CDK5: variants seen among roughly 807,000 people sequenced by gnomAD.
CDK5 encodes cyclin dependent kinase 5.
A neutral mutation model predicts 44.6 loss-of-function variants in CDK5; 18 were observed. The observed-to-expected ratio is 0.40, with a 90% CI of 0.28 to 0.60. The LOEUF (loss-of-function observed/expected upper bound fraction) is 0.60. Ranked by LOEUF, CDK5 falls within the 20% of genes least tolerant of loss-of-function variation. The pLI, the probability that CDK5 is intolerant of heterozygous loss-of-function variation, is 0.38. For missense variants in CDK5, 198 were observed against 368.1 expected (o/e 0.54, Z 3.78); for synonymous variants, 143 against 152.8 (o/e 0.94, Z 0.47).
At position 151,057,281 on chromosome 7, in the gene CDK5, G is replaced by A. The variant is rs1796918679; in HGVS notation, c.38-121C>T. On this transcript the variant is annotated intron_variant, in intron 1 of 11. Coordinates refer to ENST00000485972, the MANE Select transcript of CDK5 (RefSeq NM_004935.4). This position sits in a 1 kb window ranked among gnomAD's most constrained non-coding sequence, Gnocchi z 5.2. ...TGCAAGGGAAGGGATTCAGGGTGAAGGTAGGTTGGTGAGCTTTGTGAGTGA... is the reference window on the plus strand; with the variant it reads ...TGCAAGGGAAGGGATTCAGGGTGAAAGTAGGTTGGTGAGCTTTGTGAGTGA... 1.2e-6 allele frequency: 1 copy of A among 826,192 alleles called. No individual in the cohort carries two copies. Among genetic ancestry groups the A allele is most frequent in the African/African-American group, 1.7e-5 (1 of 60,036 alleles). 51.2% of individuals were successfully genotyped at this position (826,192 alleles called of 1,614,324 possible). A position where few individuals can be genotyped will look rare whatever the true frequency, so the allele number is the denominator to read the frequency against.
chr7:151,057,299 G>C lies in CDK5; in HGVS notation c.38-139C>G. 1.3e-6 allele frequency: 1 copy of C among 753,008 alleles called. No homozygotes were observed. 46.6% of individuals were successfully genotyped at this position (753,008 alleles called of 1,614,324 possible). A position where few individuals can be genotyped will look rare whatever the true frequency, so the allele number is the denominator to read the frequency against. On this transcript the variant is annotated intron_variant, in intron 1 of 11. Transcript: ENST00000485972. The surrounding 1 kb of genome is among the most constrained non-coding windows in gnomAD (Gnocchi z 5.2). ...GGGTGAAGGTAGGTTGGTGAGCTTTGTGAGTGAGGATGTGGCAGGTGGGGA... is the reference window on the plus strand; with the variant it reads ...GGGTGAAGGTAGGTTGGTGAGCTTTCTGAGTGAGGATGTGGCAGGTGGGGA...
chr7:151,057,285 G>T lies in CDK5; in HGVS notation c.38-125C>A. On this transcript the variant is annotated intron_variant, in intron 1 of 11. Transcript: ENST00000485972. The surrounding 1 kb of genome is among the most constrained non-coding windows in gnomAD (Gnocchi z 5.2). ...AGGGAAGGGATTCAGGGTGAAGGTAGGTTGGTGAGCTTTGTGAGTGAGGAT... is the reference window on the plus strand; with the variant it reads ...AGGGAAGGGATTCAGGGTGAAGGTATGTTGGTGAGCTTTGTGAGTGAGGAT... 1.2e-6 allele frequency: 1 copy of T among 811,142 alleles called. No homozygotes were observed. The highest frequency in any genetic ancestry group is 2.2e-6 in the Non-Finnish European group (1 of 462,372). 50.2% of individuals were successfully genotyped at this position (811,142 alleles called of 1,614,324 possible). A position where few individuals can be genotyped will look rare whatever the true frequency, so the allele number is the denominator to read the frequency against.
chr7:151,057,696 G>T lies in CDK5; in HGVS notation c.37+116C>A. The T allele has an allele frequency of 8.6e-7, 1 of 1,158,138 alleles. No individual in the cohort carries two copies. Among genetic ancestry groups the T allele is most frequent in the Non-Finnish European group, 1.3e-6 (1 of 791,962 alleles). The allele number at this position is 1,158,138 out of a possible 1,614,324, so 71.7% of individuals were successfully genotyped here. A position where few individuals can be genotyped will look rare whatever the true frequency, so the allele number is the denominator to read the frequency against. The stretch of plus-strand genomic sequence containing the variant: ...GCTGAGCTAGGGGGCCAGGGCTGCA[G>T]CCGCTGCTGAGATCGGAGCCTGTAG... On this transcript the variant is annotated intron_variant, in intron 1 of 11. Transcript: ENST00000485972. This position sits in a 1 kb window ranked among gnomAD's most constrained non-coding sequence, Gnocchi z 5.2.
At chr7:151,055,675 C>T in intron 6 of CDK5, 69 bp from the exon 7 acceptor site, 1 of 1,535,042 alleles carries the variant, frequency 6.5e-7, no homozygotes, top group Admixed American at 1.8e-5. Flanking sequence ...CAACTCCATC[C>T]TCCCAGTCCT....
At position 151,054,051 on chromosome 7, in the gene CDK5, C is replaced by T. The variant is rs1344288403; in HGVS notation, c.837G>A (p.Glu279=). The T allele has an allele frequency of 6.2e-7, 1 of 1,602,182 alleles. No individual in the cohort carries two copies. The highest frequency in any genetic ancestry group is 8.5e-7 in the Non-Finnish European group (1 of 1,174,616). The change falls in exon 12 of 12, where the codon GAG becomes GAA. Residue 279 remains glutamate (E), a synonymous_variant. Coordinates refer to ENST00000485972, the MANE Select transcript of CDK5 (RefSeq NM_004935.4). The surrounding 1 kb of genome is among the most constrained non-coding windows in gnomAD (Gnocchi z 5.7). The part of the protein sequence containing the change: ...CNPVQRISAE[E]ALQHPYFSDF... ...CGGAGAAGTAGGGGTGCTGCAGGGC[C>T]TCTTCTGCTGAGATACGCTGGACAG... is the stretch of plus-strand genomic sequence containing the variant.
Position 151,054,092 on chromosome 7 carries a change from G to T in CDK5, c.796C>A (p.Leu266Ile). The T allele has an allele frequency of 6.3e-7, 1 of 1,599,608 alleles. No homozygotes were observed. The highest frequency in any genetic ancestry group is 8.5e-7 in the Non-Finnish European group (1 of 1,173,096). The change falls in exon 12 of 12, where the codon CTT (leucine) becomes ATT (isoleucine). Residue 266 changes from leucine (L) to isoleucine (I), a missense_variant. Physicochemically the swap from Leu to Ile is conservative, Grantham distance 5. This residue lies in a region of CDK5 where 81 missense variants were observed against 102.1 expected (regional missense o/e 0.79). Coordinates refer to ENST00000485972, the MANE Select transcript of CDK5 (RefSeq NM_004935.4). The surrounding 1 kb of genome is among the most constrained non-coding windows in gnomAD (Gnocchi z 5.7). ...CGCTGGACAGGGTTACACTTCAGAA[G>T]GTTCTGGAGATGGGGGAAAGGAGGT... is the stretch of plus-strand genomic sequence containing the variant. Reference protein sequence around the residue: ...NATGRDLLQNLLKCNPVQRIS... With the variant: ...NATGRDLLQNILKCNPVQRIS...
At position 151,054,631 on chromosome 7, in the gene CDK5, G is replaced by T. The variant is rs970521882; in HGVS notation, c.651-166C>A. Among the ~76,000 whole-genome samples, 1 of 152,098 alleles carries T rather than the reference G, an allele frequency of 6.6e-6. No individual in the cohort carries two copies. The highest frequency in any genetic ancestry group is 1.5e-5 in the Non-Finnish European group (1 of 68,012). On this transcript the variant is annotated intron_variant, in intron 9 of 11. Transcript: ENST00000485972. The surrounding 1 kb of genome is among the most constrained non-coding windows in gnomAD (Gnocchi z 5.7). The stretch of plus-strand genomic sequence containing the variant: ...GCTTGACAGAAGCAGCCCCAGGCAG[G>T]TCACTCGCATATCCAGCCACGTTTC...
chr7:151,057,774 A>G lies in CDK5; in HGVS notation c.37+38T>C. 2 of 1,599,008 alleles carry G rather than the reference A, an allele frequency of 1.3e-6. No individual in the cohort carries two copies. The highest frequency in any genetic ancestry group is 1.7e-6 in the Non-Finnish European group (2 of 1,171,270). ...CTTCAAGGAATGCCGAAGGATCTGCAGAGGAGCTCTTGCAGGAACATCTCG... is the reference window on the plus strand; with the variant it reads ...CTTCAAGGAATGCCGAAGGATCTGCGGAGGAGCTCTTGCAGGAACATCTCG... On this transcript the variant is annotated intron_variant, in intron 1 of 11. Coordinates refer to ENST00000485972, the MANE Select transcript of CDK5 (RefSeq NM_004935.4). The surrounding 1 kb of genome is among the most constrained non-coding windows in gnomAD (Gnocchi z 5.2).
In CDK5 at chr7:151,055,036, C is replaced by T; in HGVS notation, c.641G>A (p.Arg214Lys). The T allele has an allele frequency of 3.1e-6, 5 of 1,613,836 alleles. No individual in the cohort carries two copies. Among genetic ancestry groups the T allele is most frequent in the Non-Finnish European group, 4.2e-6 (5 of 1,179,834 alleles). Reference protein sequence around the residue: ...PGNDVDDQLKRIFRLLGTPTE... With the variant: ...PGNDVDDQLKKIFRLLGTPTE... ...AGGAAAGCAAGGATATCGGAAGATCCTCTTCAACTGGTCATCGACATCATT... is the reference window on the plus strand; with the variant it reads ...AGGAAAGCAAGGATATCGGAAGATCTTCTTCAACTGGTCATCGACATCATT... The change falls in exon 9 of 12, where the codon AGG (arginine) becomes AAG (lysine). Residue 214 changes from arginine (R) to lysine (K), a missense_variant. By Grantham distance (26) the Arg-to-Lys change is conservative. Transcript: ENST00000485972.
At position 151,054,147 on chromosome 7, in the gene CDK5, GC is replaced by G; in HGVS notation, c.793-53del. On this transcript the variant is annotated intron_variant, in intron 11 of 11. Transcript: ENST00000485972. This position sits in a 1 kb window ranked among gnomAD's most constrained non-coding sequence, Gnocchi z 5.7. ...GGTTCAGGACAGGTCACTGCCCAGA[GC>G]CCTGCCTTCCTGTAGTCCCACTGGG... 1 of 1,588,646 alleles carries G rather than the reference GC, an allele frequency of 6.3e-7. No homozygotes were observed. The highest frequency in any genetic ancestry group is 1.1e-5 in the South Asian group (1 of 87,832).
In CDK5 at chr7:151,057,742, G is replaced by A. The variant is rs1796929430; in HGVS notation, c.37+70C>T. On this transcript the variant is annotated intron_variant, in intron 1 of 11. Transcript: ENST00000485972. This position sits in a 1 kb window ranked among gnomAD's most constrained non-coding sequence, Gnocchi z 5.2. ...TGTAGGCATTGCTGACGGTAAGGGAGCCAGGGCTTCAAGGAATGCCGAAGG... is the reference window on the plus strand; with the variant it reads ...TGTAGGCATTGCTGACGGTAAGGGAACCAGGGCTTCAAGGAATGCCGAAGG... 2 of 1,525,506 alleles carry A rather than the reference G, an allele frequency of 1.3e-6. No homozygotes were observed. Among genetic ancestry groups the A allele is most frequent in the Non-Finnish European group, 1.8e-6 (2 of 1,115,062 alleles). 94.5% of individuals were successfully genotyped at this position (1,525,506 alleles called of 1,614,324 possible). A position where few individuals can be genotyped will look rare whatever the true frequency, so the allele number is the denominator to read the frequency against.
chr7:151,054,954 C>G lies in CDK5; in HGVS notation c.650+73G>C, dbSNP rs1796865361. 1.4e-6 allele frequency: 2 copies of G among 1,462,008 alleles called. No individual in the cohort carries two copies. The highest frequency in any genetic ancestry group is 1.4e-5 in the African/African-American group (1 of 71,850). 90.6% of individuals were successfully genotyped at this position (1,462,008 alleles called of 1,614,324 possible). On this transcript the variant is annotated intron_variant, in intron 9 of 11. Transcript: ENST00000485972. The surrounding 1 kb of genome is among the most constrained non-coding windows in gnomAD (Gnocchi z 5.7). ...CACCCTACCCCACACCATCACTGCC[C>G]TCACCCATTGTGCTCAAAACTCCAT... is the stretch of plus-strand genomic sequence containing the variant.
At position 151,054,270 on chromosome 7, in the gene CDK5, G is replaced by A. The variant is rs779879090; in HGVS notation, c.734C>T (p.Thr245Ile). ...DYKPYPMYPATTSLVNVVPKL... is the reference protein window; with the variant it reads ...DYKPYPMYPAITSLVNVVPKL... ...GGGCACGACGTTCACCAGGGATGTT[G>A]TGGCCGGGTACATCGGATAGGGCTG... Residue 245 changes from threonine (T) to isoleucine (I), a missense_variant, in exon 11 of 12, where the codon ACA becomes ATA. Transcript: ENST00000485972. The surrounding 1 kb of genome is among the most constrained non-coding windows in gnomAD (Gnocchi z 5.7). 1.1e-5 allele frequency: 18 copies of A among 1,613,820 alleles called. No individual in the cohort carries two copies. The highest frequency in any genetic ancestry group is 1.4e-5 in the Non-Finnish European group (17 of 1,179,792).
rs1796887244 is a variant in CDK5 at position 151,056,061 on chromosome 7, C to G, written c.313-213G>C. ...AAAGTAAAGAAGCTGGCTCTGGTCC[C>G]CACCTTCCTGGACCATACAGCCTAA... is the stretch of plus-strand genomic sequence containing the variant. On this transcript the variant is annotated intron_variant, in intron 5 of 11. Transcript: ENST00000485972. This position sits in a 1 kb window ranked among gnomAD's most constrained non-coding sequence, Gnocchi z 4.7. The G allele has an allele frequency of 1.7e-6, 1 of 586,092 alleles. No homozygotes were observed. Among genetic ancestry groups the G allele is most frequent in the Admixed American group, 2.9e-5 (1 of 34,064 alleles). The allele number at this position is 586,092 out of a possible 1,614,324, so 36.3% of individuals were successfully genotyped here.
rs62490285 is a variant in CDK5 at position 151,054,284 on chromosome 7, C to A, written c.720G>T (p.Pro240=). 6.1e-5 allele frequency: 98 copies of A among 1,613,518 alleles called. 1 individual carries two copies. The Middle Eastern group carries it at 8.2e-4, about 14-fold the overall frequency. ...MTKLPDYKPY[P]MYPATTSLVN... ...CCAGGGATGTTGTGGCCGGGTACAT[C>A]GGATAGGGCTGTGGAGAGGCAGGGA... The change falls in exon 11 of 12, where the codon CCG becomes CCT. Residue 240 remains proline (P), a synonymous_variant. Coordinates refer to ENST00000485972, the MANE Select transcript of CDK5 (RefSeq NM_004935.4). This position sits in a 1 kb window ranked among gnomAD's most constrained non-coding sequence, Gnocchi z 5.7.
At chr7:151,055,143 C>G in intron 8 of CDK5, 47 bp from the exon 9 acceptor site, 1 of 1,588,352 alleles carries the variant, frequency 6.3e-7, no homozygotes, top group Non-Finnish European at 8.6e-7. Context: ...AAGGACCCCT[C>G]ACTCTGAGGT....
At chr7:151,055,673 T>G in intron 6 of CDK5, 67 bp from the exon 7 acceptor site, 5 of 1,533,702 alleles carry the variant, frequency 3.3e-6, no homozygotes, top group Non-Finnish European at 4.5e-6. Flanking sequence ...ACCAACTCCA[T>G]CCTCCCAGTC....
intron 8 of CDK5, 75 bp downstream of exon 8, chr7:151,055,202 A>C: frequency 6.4e-7 from 1 of 1,559,222 alleles, no homozygotes; most frequent in East Asian, 2.3e-5. Flanking sequence ...CCCTTCCCCC[A>C]GAGGGGACCC....
At position 151,056,388 on chromosome 7, in the gene CDK5, C is replaced by G; in HGVS notation, c.312+192G>C. The G allele has an allele frequency of 1.5e-5, 9 of 610,186 alleles. 1 individual carries two copies. The South Asian group carries it at 1.8e-4, about 12-fold the overall frequency. 37.8% of individuals were successfully genotyped at this position (610,186 alleles called of 1,614,324 possible). ...TCACTGACATCAGAATGACACTGTGCGGGTCAAAGATGACCACGTGAAAAT... is the reference window on the plus strand; with the variant it reads ...TCACTGACATCAGAATGACACTGTGGGGGTCAAAGATGACCACGTGAAAAT... On this transcript the variant is annotated intron_variant, in intron 5 of 11. Transcript: ENST00000485972. This position sits in a 1 kb window ranked among gnomAD's most constrained non-coding sequence, Gnocchi z 4.7.
Sources: allele counts gnomAD v4.1 joint callset (sites outside exome capture counted in the v4.1 genomes callset), GRCh38; gene constraint gnomAD v4.1.1; regional missense constraint gnomAD v4.1.1; non-coding constraint Gnocchi (gnomAD v3.1); transcripts MANE v1.5; gene names NCBI Gene and HGNC (gene_info 2026-07-23, HGNC 2026-07-21).